The following LDLRAD3 variants were observed in gnomAD, a reference collection of about 807,000 sequenced individuals.
LDLRAD3 encodes the protein low-density lipoprotein receptor class A domain-containing protein 3.
LDLRAD3 carries 20 observed loss-of-function variants against 29.4 expected under a neutral mutation model. The ratio of observed to expected loss-of-function variants is 0.68; its 90% CI spans 0.48 to 0.99. The LOEUF is 0.99. Among genes scored for constraint, LDLRAD3 ranks in the 50% least tolerant of loss-of-function variants. The pLI, the probability that LDLRAD3 is intolerant of heterozygous loss-of-function variation, is 0.00. For missense variants in LDLRAD3, 420 were observed against 454.3 expected (o/e 0.92, Z 0.69); for synonymous variants, 157 against 192.7 (o/e 0.81, Z 1.53).
chr11:36,174,189 C>T (rs1442783931), intron 4 of LDLRAD3, among the ~76,000 whole-genome samples: 1 of 152,196 alleles, frequency 6.6e-6, no homozygotes, highest in Non-Finnish European at 1.5e-5. Flanking sequence ...GGATCCCTTC[C>T]TTACACCTTA....
chr11:36,135,365 G>A lies in LDLRAD3; in HGVS notation c.454+36904G>A, dbSNP rs1360678987. Among the ~76,000 whole-genome samples, 6 of 152,270 alleles carry A rather than the reference G, an allele frequency of 3.9e-5. No individual in the cohort carries two copies. The South Asian group carries it at 1.2e-3, about 32-fold the overall frequency. On this transcript the variant is annotated intron_variant, in intron 4 of 5. Coordinates refer to ENST00000315571, the MANE Select transcript of LDLRAD3 (RefSeq NM_174902.4). ...ATGGCTGGGGTTTGGGAAGATTCTG[G>A]AGAGTTGTTATTTCTGGCCCCTAAG...
At chr11:35,947,655 G>T (rs1851074960) in intron 1 of LDLRAD3, among the ~76,000 whole-genome samples, 1 of 152,184 alleles carries the variant, frequency 6.6e-6, no homozygotes, top group Non-Finnish European at 1.5e-5. Flanking sequence ...AACTTGCCAA[G>T]GATATCATGT....
At chr11:36,081,544 T>C in intron 2 of LDLRAD3, 109 bp from the exon 3 acceptor site, 1 of 1,439,962 alleles carries the variant, frequency 6.9e-7, no homozygotes, top group Non-Finnish European at 9.6e-7. Flanking sequence ...TCAAGGACTT[T>C]AAGATGAATC....
At chr11:36,025,692 AT>A (rs1182449388) in intron 1 of LDLRAD3, among the ~76,000 whole-genome samples, 1 of 147,412 alleles carries the variant, frequency 6.8e-6, no homozygotes, top group South Asian at 2.2e-4. Context: ...CCCGGCCCAG[AT>A]TTTTTTTTAA....
At chr11:35,950,362 T>G (rs1439790548) in intron 1 of LDLRAD3, among the ~76,000 whole-genome samples, 4 of 152,186 alleles carry the variant, frequency 2.6e-5, no homozygotes, top group Admixed American at 1.3e-4. Context: ...CTAGTTTGCT[T>G]CTTTAGCTTT....
At chr11:36,085,058 T>A (rs1853175193) in intron 3 of LDLRAD3, among the ~76,000 whole-genome samples, 1 of 152,240 alleles carries the variant, frequency 6.6e-6, no homozygotes, top group Non-Finnish European at 1.5e-5. Context: ...TATTGCCAAG[T>A]CTTCTTCTAG....
At chr11:36,222,679 G>C (rs1855446021) in intron 4 of LDLRAD3, among the ~76,000 whole-genome samples, 1 of 152,114 alleles carries the variant, frequency 6.6e-6, no homozygotes, top group South Asian at 2.1e-4. Flanking sequence ...TGCCTTTGCT[G>C]GTCCAGACAG....
intron 4 of LDLRAD3, among the ~76,000 whole-genome samples, chr11:36,164,904 G>A (rs10836514): frequency 0.19 from 28,663 of 152,168 alleles, 4,470 homozygotes; most frequent in African/African-American, 0.42. Flanking sequence ...ATATCTTTTA[G>A]AATTTTACTT....
chr11:36,058,634 A>C (rs549236360), intron 2 of LDLRAD3, among the ~76,000 whole-genome samples: 1 of 152,316 alleles, frequency 6.6e-6, no homozygotes, highest in African/African-American at 2.4e-5. Flanking sequence ...CTGTTTTAGT[A>C]ATTGCCCACT....
At chr11:36,051,565 C>A (rs1852528472) in intron 2 of LDLRAD3, among the ~76,000 whole-genome samples, 1 of 152,178 alleles carries the variant, frequency 6.6e-6, no homozygotes, top group African/African-American at 2.4e-5. Context: ...ATGTTTGTTG[C>A]AGTTCTTGAC....
chr11:36,154,220 A>G (rs1219820108), intron 4 of LDLRAD3, among the ~76,000 whole-genome samples: 1 of 152,136 alleles, frequency 6.6e-6, no homozygotes. Context: ...CACCGACTGA[A>G]AGTAAGTCAC....
At chr11:36,085,241 A>G (rs1357832191) in intron 3 of LDLRAD3, among the ~76,000 whole-genome samples, 2 of 152,188 alleles carry the variant, frequency 1.3e-5, no homozygotes, top group Non-Finnish European at 2.9e-5. Flanking sequence ...AAGCACTTTA[A>G]GTATGCCACT....
At chr11:36,055,070 G>A (rs369285241) in intron 2 of LDLRAD3, among the ~76,000 whole-genome samples, 1 of 13,276 alleles carries the variant, frequency 7.5e-5, no homozygotes. Context: ...TGGGTGGATG[G>A]ATAGATGGAT....
At chr11:36,013,414 C>T (rs911029237) in intron 1 of LDLRAD3, among the ~76,000 whole-genome samples, 15 of 152,220 alleles carry the variant, frequency 9.9e-5, no homozygotes, top group African/African-American at 3.6e-4. Context: ...AGGTTTTAAG[C>T]CCTGCATACA....
intron 3 of LDLRAD3, among the ~76,000 whole-genome samples, chr11:36,090,098 T>C (rs1039102058): frequency 6.6e-6 from 1 of 152,124 alleles, no homozygotes; most frequent in African/African-American, 2.4e-5. Context: ...GCTAGTGAAG[T>C]GGTAGGCTGA....
At chr11:36,088,157 C>A (rs560469741) in intron 3 of LDLRAD3, among the ~76,000 whole-genome samples, 1 of 152,124 alleles carries the variant, frequency 6.6e-6, no homozygotes, top group African/African-American at 2.4e-5. Context: ...ACCCAGCCCC[C>A]CAAAACCAGT....
chr11:35,944,213 G>T lies in LDLRAD3; in HGVS notation c.46+69G>T, dbSNP rs1565113961. 1.1e-6 allele frequency: 1 copy of T among 904,044 alleles called. No individual in the cohort carries two copies. Among genetic ancestry groups the T allele is most frequent in the Non-Finnish European group, 1.3e-6 (1 of 755,116 alleles). The allele number at this position is 904,044 out of a possible 1,614,324, so 56.0% of individuals were successfully genotyped here. A position where few individuals can be genotyped will look rare whatever the true frequency, so the allele number is the denominator to read the frequency against. On this transcript the variant is annotated intron_variant, in intron 1 of 5. Transcript: ENST00000315571. The surrounding 1 kb of genome is among the most constrained non-coding windows in gnomAD (Gnocchi z 4.9). ...CGCGGGGCGCGGGGCGCAGCGGCCG[G>T]GTGCGATCGCGTCCTCTCCCGGGCG... is the stretch of plus-strand genomic sequence containing the variant.
intron 4 of LDLRAD3, among the ~76,000 whole-genome samples, chr11:36,203,629 A>G (rs990679693): frequency 1.3e-5 from 2 of 152,334 alleles, no homozygotes; most frequent in Middle Eastern, 3.4e-3. Flanking sequence ...CAGGCGGCAC[A>G]TGAGATGATA....
intron 1 of LDLRAD3, among the ~76,000 whole-genome samples, chr11:36,005,930 C>T (rs1013146939): frequency 6.6e-6 from 1 of 152,140 alleles, no homozygotes. Context: ...CTTGCTATCA[C>T]GAGAGCAGCA....
Sources: allele counts gnomAD v4.1 joint callset (sites outside exome capture counted in the v4.1 genomes callset), GRCh38; gene constraint gnomAD v4.1.1; non-coding constraint Gnocchi (gnomAD v3.1); transcripts MANE v1.5; gene names NCBI Gene and HGNC (gene_info 2026-07-23, HGNC 2026-07-21).